FBXO25: variants seen among roughly 807,000 people sequenced by gnomAD.
FBXO25 encodes F-box protein 25, also known as F-box only protein 25.
A neutral mutation model predicts 51.9 loss-of-function variants in FBXO25; 45 were observed. The observed-to-expected ratio is 0.87, with a 90% CI of 0.68 to 1.11. The LOEUF is 1.11. FBXO25 is among the 50% of genes most tolerant of loss of function. The probability of loss-of-function intolerance (pLI) is 0.00; values close to 1 mark genes in which losing one functional copy is unlikely to be tolerated. For synonymous variants in FBXO25, 199 were observed against 151.0 expected, an observed-to-expected ratio of 1.32 and a Z score of -2.33; for missense variants, 507 against 428.5, an observed-to-expected ratio of 1.18 and a Z score of -1.62.
chr8:454,671 C>G (rs562998801), intron 7 of FBXO25, among the ~76,000 whole-genome samples: 1 of 152,090 alleles, frequency 6.6e-6, no homozygotes, highest in Admixed American at 6.5e-5. Context: ...GTGGGCAGAT[C>G]ACAAGGTCAA....
chr8:463,545 C>A (rs1401698476), intron 9 of FBXO25, among the ~76,000 whole-genome samples: 1 of 152,130 alleles, frequency 6.6e-6, no homozygotes, highest in Admixed American at 6.5e-5. Context: ...AGCCCTCGGC[C>A]CTTTATGTCC....
intron 5 of FBXO25, among the ~76,000 whole-genome samples, chr8:442,463 C>A (rs1190942747): frequency 2.0e-5 from 3 of 151,848 alleles, no homozygotes; most frequent in African/African-American, 4.8e-5. Context: ...GTTATTTCCA[C>A]TTTAGTTTTT....
chr8:454,525 G>T (rs1481894781), intron 7 of FBXO25, among the ~76,000 whole-genome samples: 1 of 152,198 alleles, frequency 6.6e-6, no homozygotes, highest in Non-Finnish European at 1.5e-5. Flanking sequence ...ACTCAGTGGG[G>T]TGTTATAACA....
chr8:434,159 C>T (rs1226154500), intron 4 of FBXO25, among the ~76,000 whole-genome samples: 1 of 152,146 alleles, frequency 6.6e-6, no homozygotes, highest in Non-Finnish European at 1.5e-5. Flanking sequence ...GGTGTCCCTG[C>T]ACCACGTCAT....
chr8:447,273 G>C (rs915172802), intron 5 of FBXO25, among the ~76,000 whole-genome samples: 1 of 152,118 alleles, frequency 6.6e-6, no homozygotes, highest in Non-Finnish European at 1.5e-5. Flanking sequence ...GTAGCGGCTG[G>C]GGGAGAGAGT....
At chr8:435,799 G>A (rs1481818196) in intron 5 of FBXO25, 92 bp downstream of exon 5, 20 of 1,521,602 alleles carry the variant, frequency 1.3e-5, no homozygotes, top group Non-Finnish European at 1.8e-5. Flanking sequence ...GATGCTTTTG[G>A]CAGCTTGAAG....
intron 8 of FBXO25, among the ~76,000 whole-genome samples, chr8:462,662 A>T (rs892702579): frequency 1.3e-5 from 2 of 151,968 alleles, no homozygotes; most frequent in African/African-American, 4.8e-5. Flanking sequence ...ACCAAATATC[A>T]TATGTTCTCA....
rs1563105918 is a variant in FBXO25, at chr8:471,418, TAC to T, written c.*2616_*2617del. On this transcript the variant is annotated 3_prime_UTR_variant, in exon 10 of 10. Coordinates refer to ENST00000350302, the MANE Select transcript of FBXO25 (RefSeq NM_183420.2). Reference sequence around the variant, plus strand: ...TCCACTTTGGAATGGTATTTTTGAATACAGTTTCTATCAGGGGGCCTTCCAAA... The same window carrying T: ...TCCACTTTGGAATGGTATTTTTGAATAGTTTCTATCAGGGGGCCTTCCAAA... The T allele has an allele frequency of 6.6e-6, 1 of 152,218 alleles. No homozygotes were observed. The highest frequency in any genetic ancestry group is 1.5e-5 in the Non-Finnish European group (1 of 68,030). 9.4% of individuals were successfully genotyped at this position (152,218 alleles called of 1,614,324 possible). A position where few individuals can be genotyped will look rare whatever the true frequency, so the allele number is the denominator to read the frequency against.
intron 5 of FBXO25, among the ~76,000 whole-genome samples, chr8:445,586 C>T (rs537345356): frequency 3.4e-4 from 52 of 152,328 alleles, no homozygotes; most frequent in South Asian, 1.2e-3. Context: ...GGTGCAGTGG[C>T]TCACGCCTAT....
chr8:419,480 A>C (rs1245685702), intron 2 of FBXO25, among the ~76,000 whole-genome samples: 88 of 152,260 alleles, frequency 5.8e-4, no homozygotes, highest in Non-Finnish European at 3.4e-4. Context: ...AACACAACAG[A>C]GGACCCCAGA....
At chr8:467,157 G>A (rs1427118625) in intron 9 of FBXO25, among the ~76,000 whole-genome samples, 1 of 152,148 alleles carries the variant, frequency 6.6e-6, no homozygotes, top group East Asian at 1.9e-4. Flanking sequence ...CAGCGGGGGA[G>A]AACAGCACAG....
chr8:418,333 C>CTTTTTTTTTTTTTTTTTTTTTTT (rs1207244013), intron 2 of FBXO25, among the ~76,000 whole-genome samples: 5 of 72,334 alleles, frequency 6.9e-5, no homozygotes, highest in East Asian at 4.3e-4. Context: ...TTTGTTTGTT[C>CTTTTTTTTTTTTTTTTTTTTTTT]TTTTTTTTTT....
In FBXO25 at chr8:431,272, T is replaced by C. The variant is rs561425836; in HGVS notation, c.135-69T>C. ...TGTCACTTTGAAGTATTTATATCCT[T>C]TTACAAAAGAAAAGCCAAATGAAGA... On this transcript the variant is annotated intron_variant, in intron 2 of 9. Transcript: ENST00000350302. 2.8e-5 allele frequency: 23 copies of C among 815,186 alleles called. No homozygotes were observed. The African/African-American group carries it at 3.7e-4, about 13-fold the overall frequency. 50.5% of individuals were successfully genotyped at this position (815,186 alleles called of 1,614,324 possible). A position where few individuals can be genotyped will look rare whatever the true frequency, so the allele number is the denominator to read the frequency against.
chr8:422,607 A>C (rs1797223763), intron 2 of FBXO25, among the ~76,000 whole-genome samples: 1 of 152,168 alleles, frequency 6.6e-6, no homozygotes, highest in South Asian at 2.1e-4. Context: ...GTGGGTGGAA[A>C]CTTGGGGACA....
intron 5 of FBXO25, among the ~76,000 whole-genome samples, chr8:437,713 C>T (rs1798184170): frequency 6.6e-6 from 1 of 151,642 alleles, no homozygotes; most frequent in Non-Finnish European, 1.5e-5. Context: ...GTGCCCTCTT[C>T]TGTTGGCTTT....
At chr8:436,919 G>T (rs1035175880) in intron 5 of FBXO25, among the ~76,000 whole-genome samples, 1 of 152,178 alleles carries the variant, frequency 6.6e-6, no homozygotes, top group African/African-American at 2.4e-5. Flanking sequence ...TTGGCTCCTG[G>T]TGGTTTCTGT....
chr8:415,043 G>T (rs1238984950), intron 2 of FBXO25, among the ~76,000 whole-genome samples: 1 of 152,060 alleles, frequency 6.6e-6, no homozygotes, highest in South Asian at 2.1e-4. Flanking sequence ...ACCTAAAATT[G>T]ATTTTAAAAA....
intron 9 of FBXO25, among the ~76,000 whole-genome samples, chr8:465,073 T>C (rs1800064175): frequency 6.6e-6 from 1 of 152,050 alleles, no homozygotes; most frequent in African/African-American, 2.4e-5. Context: ...AGGCACAGTA[T>C]GGGGGTGAGT....
At chr8:444,594 C>A (rs1391719446) in intron 5 of FBXO25, among the ~76,000 whole-genome samples, 1 of 152,124 alleles carries the variant, frequency 6.6e-6, no homozygotes, top group Non-Finnish European at 1.5e-5. Flanking sequence ...GAAGGATGTA[C>A]TTTCTTTCTC....
Sources: allele counts gnomAD v4.1 joint callset (sites outside exome capture counted in the v4.1 genomes callset), GRCh38; gene constraint gnomAD v4.1.1; transcripts MANE v1.5; gene names NCBI Gene and HGNC (gene_info 2026-07-23, HGNC 2026-07-21).